TMEM145: variants seen among roughly 807,000 people sequenced by gnomAD.
The protein encoded by TMEM145 is transmembrane protein 145.
A neutral mutation model predicts 68.5 loss-of-function variants in TMEM145; 46 were observed. That is an observed-to-expected ratio of 0.67 (90% CI 0.53 to 0.86). The LOEUF (loss-of-function observed/expected upper bound fraction) is 0.86. TMEM145 is among the 40% of genes least tolerant of loss of function. The pLI is 0.00. For synonymous variants in TMEM145, 255 were observed against 280.2 expected, an observed-to-expected ratio of 0.91 and a Z score of 0.90; for missense variants, 570 against 645.8, an observed-to-expected ratio of 0.88 and a Z score of 1.27.
At chr19:42,319,296 G>A (rs2038889460) in intron 12 of TMEM145, among the ~76,000 whole-genome samples, 1 of 152,138 alleles carries the variant, frequency 6.6e-6, no homozygotes, top group Non-Finnish European at 1.5e-5. Context: ...TTTTAATGGG[G>A]ATGGAAATTT....
Position 42,314,593 on chromosome 19 carries a change from C to T in TMEM145, c.274-20C>T. ...GGTCGTTGCTGGCCGGGGGAGTGAC[C>T]CTGTCCCTGCCTTCCCCAGGACTGC... On this transcript the variant is annotated intron_variant, in intron 3 of 14. Coordinates refer to ENST00000301204, the MANE Select transcript of TMEM145 (RefSeq NM_173633.3). The T allele has an allele frequency of 6.2e-7, 1 of 1,614,088 alleles. No homozygotes were observed. Among genetic ancestry groups the T allele is most frequent in the Non-Finnish European group, 8.5e-7 (1 of 1,179,994 alleles).
In TMEM145 at chr19:42,313,513, C is replaced by A; in HGVS notation, c.120+17C>A. On this transcript the variant is annotated intron_variant, in intron 1 of 14. Transcript: ENST00000301204. The surrounding 1 kb of genome is among the most constrained non-coding windows in gnomAD (Gnocchi z 5.1). ...TCCAAGGAGGTGAGCATGCCGAGCCCTCCTCTGCGGCCCGCCGGCCCCCGG... is the reference window on the plus strand; with the variant it reads ...TCCAAGGAGGTGAGCATGCCGAGCCATCCTCTGCGGCCCGCCGGCCCCCGG... 1 of 1,271,014 alleles carries A rather than the reference C, an allele frequency of 7.9e-7. No individual in the cohort carries two copies. The highest frequency in any genetic ancestry group is 1.0e-6 in the Non-Finnish European group (1 of 1,001,802). 78.7% of individuals were successfully genotyped at this position (1,271,014 alleles called of 1,614,324 possible).
chr19:42,316,201 GA>G (rs2038854984), intron 8 of TMEM145, among the ~76,000 whole-genome samples: 1 of 147,962 alleles, frequency 6.8e-6, no homozygotes, highest in Admixed American at 6.8e-5. Flanking sequence ...TCTGAAGGAG[GA>G]GGGGGTGGGG....
intron 14 of TMEM145, chr19:42,324,442 CG>C: frequency 1.0e-6 from 1 of 985,422 alleles, no homozygotes; most frequent in Non-Finnish European, 1.2e-6. Flanking sequence ...ACCAGCCGCT[CG>C]TGCCCCAGAC....
intron 14 of TMEM145, among the ~76,000 whole-genome samples, 172 bp downstream of exon 14, chr19:42,323,961 C>G (rs1383168609): frequency 6.6e-6 from 1 of 151,896 alleles, no homozygotes; most frequent in African/African-American, 2.4e-5. Context: ...GGCGCCCGCG[C>G]CCACCCTGCC....
At position 42,316,757 on chromosome 19, in the gene TMEM145, T is replaced by G. The variant is rs368009427; in HGVS notation, c.806+17T>G. 145 of 1,526,088 alleles carry G rather than the reference T, an allele frequency of 9.5e-5. No individual in the cohort carries two copies. The African/African-American group carries it at 1.9e-3, about 20-fold the overall frequency. 94.5% of individuals were successfully genotyped at this position (1,526,088 alleles called of 1,614,324 possible). On this transcript the variant is annotated intron_variant, in intron 10 of 14. Coordinates refer to ENST00000301204, the MANE Select transcript of TMEM145 (RefSeq NM_173633.3). ...GGTGACACGGTGCCCGGGCAGGGCG[T>G]GCTCGTGGGGCGGCTGGTGGGGGAG...
At chr19:42,314,381 G>A in intron 2 of TMEM145, 35 bp downstream of exon 2, 1 of 1,614,008 alleles carries the variant, frequency 6.2e-7, no homozygotes, top group South Asian at 1.1e-5. Flanking sequence ...TGCTGAGGCT[G>A]GGTACTTCCC....
chr19:42,323,853 C>T (rs2038936984), intron 14 of TMEM145, 64 bp downstream of exon 14: 4 of 1,461,880 alleles, frequency 2.7e-6, no homozygotes, highest in Non-Finnish European at 3.8e-6. Context: ...CCTGACCCCG[C>T]TCCCGGCCCC....
In TMEM145 at chr19:42,314,846, C is replaced by T. The variant is rs753611197; in HGVS notation, c.415C>T (p.Arg139Cys). The change falls in exon 5 of 15, where the codon CGC (arginine) becomes TGC (cysteine). Residue 139 changes from arginine to cysteine, a missense_variant. Arg to Cys is a radical substitution (Grantham distance 180). Transcript: ENST00000301204. ...GAGCTGCTCCAGTGGCCGCAGCTTC[C>T]GCTCAGTGCGTGAACGGTGGTGGTA... ...YLSCSSGRSFRSGDGLQLEYE... is the reference protein window; with the variant it reads ...YLSCSSGRSFCSGDGLQLEYE... 5 of 1,614,072 alleles carry T rather than the reference C, an allele frequency of 3.1e-6. No individual in the cohort carries two copies. Among genetic ancestry groups the T allele is most frequent in the East Asian group, 2.2e-5 (1 of 44,892 alleles).
In TMEM145 at chr19:42,314,617, G is replaced by A. The variant is rs1391952034; in HGVS notation, c.278G>A (p.Cys93Tyr). The change falls in exon 4 of 15, where the codon TGC becomes TAC. Residue 93 changes from cysteine (C) to tyrosine (Y), a missense_variant. Transcript: ENST00000301204. ...PAVYKAGDKDCLAKESVIRPE... is the reference protein window; with the variant it reads ...PAVYKAGDKDYLAKESVIRPE... The stretch of plus-strand genomic sequence containing the variant: ...CCCTGTCCCTGCCTTCCCCAGGACT[G>A]CCTGGCCAAGGAGTCAGTGATCCGG... The A allele has an allele frequency of 6.2e-7, 1 of 1,614,194 alleles. No homozygotes were observed. Among genetic ancestry groups the A allele is most frequent in the South Asian group, 1.1e-5 (1 of 91,082 alleles).
At chr19:42,324,247 G>A in intron 14 of TMEM145, 1 of 984,714 alleles carries the variant, frequency 1.0e-6, no homozygotes, top group South Asian at 4.7e-5. Context: ...CGAGGGTCCC[G>A]GACGGCCTCT....
rs1373302878 is a variant in TMEM145 at position 42,324,818 on chromosome 19, C to T, written c.*1C>T. ...CCCTGGCCCCCTTCGAGACCTCTGA[C>T]CCCGCTGGACTCCGGAACACCCGTG... On this transcript the variant is annotated 3_prime_UTR_variant, in exon 15 of 15. Coordinates refer to ENST00000301204, the MANE Select transcript of TMEM145 (RefSeq NM_173633.3). 2.6e-6 allele frequency: 4 copies of T among 1,560,940 alleles called. No individual in the cohort carries two copies. Among genetic ancestry groups the T allele is most frequent in the Non-Finnish European group, 3.4e-6 (4 of 1,160,276 alleles).
Position 42,320,348 on chromosome 19 carries a change from G to A in TMEM145, c.1105G>A (p.Ala369Thr). ...FFAVPVMALI[A>T]NFGIPKWARE... The stretch of plus-strand genomic sequence containing the variant: ...TGCGGTTCCTGTCATGGCCCTGATT[G>A]CCAATTTCGGCATCCCCAAGTGGGC... Residue 369 changes from alanine to threonine, a missense_variant, in exon 13 of 15, where the codon GCC (alanine) becomes ACC (threonine). By Grantham distance (58) the Ala-to-Thr change is moderately conservative (BLOSUM62 0). Transcript: ENST00000301204. 6.2e-7 allele frequency: 1 copy of A among 1,614,100 alleles called. No individual in the cohort carries two copies. Among genetic ancestry groups the A allele is most frequent in the South Asian group, 1.1e-5 (1 of 91,086 alleles).
At chr19:42,317,427 G>T (rs2038869915) in intron 11 of TMEM145, among the ~76,000 whole-genome samples, 1 of 152,220 alleles carries the variant, frequency 6.6e-6, no homozygotes, top group African/African-American at 2.4e-5. Context: ...TCTGTGAGAT[G>T]GAGCAGTAAT....
At chr19:42,318,483 C>T (rs1400548374) in intron 12 of TMEM145, among the ~76,000 whole-genome samples, 2 of 150,366 alleles carry the variant, frequency 1.3e-5, no homozygotes, top group Non-Finnish European at 3.0e-5. Flanking sequence ...GTCAGGAGTT[C>T]GAGACCAGCC....
chr19:42,320,216 C>T, intron 12 of TMEM145, 101 bp from the exon 13 acceptor site: 1 of 1,519,878 alleles, frequency 6.6e-7, no homozygotes, highest in Non-Finnish European at 9.0e-7. Context: ...AGTTTGGGAC[C>T]TGCCTGGGGT....
In TMEM145 at chr19:42,314,986, C is replaced by G; in HGVS notation, c.421-7C>G. ...GGGCCCCCCTTAGGCCTCCCTACCC[C>G]CCACAGGGTGATGGATTGCAGCTGG... On this transcript the variant is annotated splice_region_variant and splice_polypyrimidine_tract_variant and intron_variant, in intron 5 of 14. Coordinates refer to ENST00000301204, the MANE Select transcript of TMEM145 (RefSeq NM_173633.3). The G allele has an allele frequency of 1.9e-6, 3 of 1,614,130 alleles. No homozygotes were observed. Among genetic ancestry groups the G allele is most frequent in the Non-Finnish European group, 2.5e-6 (3 of 1,179,996 alleles).
At chr19:42,320,004 C>T (rs1404285333) in intron 12 of TMEM145, among the ~76,000 whole-genome samples, 1 of 152,200 alleles carries the variant, frequency 6.6e-6, no homozygotes, top group Non-Finnish European at 1.5e-5. Flanking sequence ...GGTGATCTGC[C>T]TGCCTTGGCC....
rs1337229668 is a variant in TMEM145, at chr19:42,314,993, G to A, written c.421G>A (p.Gly141Ser). 1 of 1,614,128 alleles carries A rather than the reference G, an allele frequency of 6.2e-7. No individual in the cohort carries two copies. Among genetic ancestry groups the A allele is most frequent in the South Asian group, 1.1e-5 (1 of 91,078 alleles). ...SCSSGRSFRSGDGLQLEYEMV... is the reference protein window; with the variant it reads ...SCSSGRSFRSSDGLQLEYEMV... Reference sequence around the variant, plus strand: ...CCTTAGGCCTCCCTACCCCCCACAGGGTGATGGATTGCAGCTGGAGTATGA... The same window carrying A: ...CCTTAGGCCTCCCTACCCCCCACAGAGTGATGGATTGCAGCTGGAGTATGA... Residue 141 changes from glycine (G) to serine (S), a missense_variant and splice_region_variant, in exon 6 of 15, where the codon GGT becomes AGT. Physicochemically the swap from Gly to Ser is moderately conservative, Grantham distance 56. Coordinates refer to ENST00000301204, the MANE Select transcript of TMEM145 (RefSeq NM_173633.3).
Sources: gnomAD v4.1 joint callset for allele counts (sites outside exome capture counted in the v4.1 genomes callset) on GRCh38, gnomAD v4.1.1 for gene constraint, Gnocchi (gnomAD v3.1) non-coding constraint, MANE v1.5 for transcripts, NCBI Gene and HGNC (gene_info 2026-07-23, HGNC 2026-07-21) for gene names.